The following FOXL3 variants were observed in gnomAD, a reference collection of about 807,000 sequenced individuals.
FOXL3 encodes the protein forkhead box L3, also known as forkhead box protein L3.
FOXL3 carries 16 observed loss-of-function variants against 10.9 expected under a neutral mutation model. That is an observed-to-expected ratio of 1.46 (90% CI 0.99 to 2.22). The LOEUF is 2.22. Ranked by LOEUF, FOXL3 falls within the 30% of genes most tolerant of loss-of-function variation. The probability of loss-of-function intolerance (pLI) is 0.00; values close to 1 mark genes in which losing one functional copy is unlikely to be tolerated. For missense variants in FOXL3, 400 were observed against 337.9 expected (o/e 1.18, Z -1.44); for synonymous variants, 170 against 152.0 (o/e 1.12, Z -0.87).
Position 290,175 on chromosome 7 carries a change from T to A in FOXL3, c.6T>A (p.Phe2Leu), listed in dbSNP as rs1024515799. ...CAAGCGCCGAGCGCGCCAGGATGTT[T>A]GACAGCTCGCAGTATCCCTACAACT... MFDSSQYPYNCF... is the reference protein window; with the variant it reads MLDSSQYPYNCF... Residue 2 changes from phenylalanine (F) to leucine (L), a missense_variant, in exon 1 of 3, where the codon TTT (phenylalanine) becomes TTA (leucine). Transcript: ENST00000506382. 6 of 1,535,150 alleles carry A rather than the reference T, an allele frequency of 3.9e-6. No homozygotes were observed. Among genetic ancestry groups the A allele is most frequent in the Admixed American group, 2.0e-5 (1 of 50,982 alleles).
In FOXL3 at chr7:291,121, G is replaced by T; in HGVS notation, c.335G>T (p.Gly112Val). ...GKGNYWTFAG[G>V]CESLLDLFEN... is the part of the protein sequence containing the mutation. ...GGCAACTACTGGACGTTCGCGGGCG[G>T]CTGCGAGTCGCTGCTGGACCTCTTC... is the stretch of plus-strand genomic sequence containing the variant. The change falls in exon 3 of 3, where the codon GGC becomes GTC. Residue 112 changes from glycine (G) to valine (V), a missense_variant. Transcript: ENST00000506382. The T allele has an allele frequency of 7.1e-7, 1 of 1,404,634 alleles. No individual in the cohort carries two copies. Among genetic ancestry groups the T allele is most frequent in the Non-Finnish European group, 9.3e-7 (1 of 1,078,734 alleles). 87.0% of individuals were successfully genotyped at this position (1,404,634 alleles called of 1,614,324 possible). A position where few individuals can be genotyped will look rare whatever the true frequency, so the allele number is the denominator to read the frequency against.
intron 1 of FOXL3, 71 bp downstream of exon 1, chr7:290,347 A>C (rs1778612571): frequency 1.6e-6 from 2 of 1,226,730 alleles, no homozygotes; most frequent in African/African-American, 3.0e-5. Context: ...GGTAGCCGGG[A>C]CCTGCCTGGG....
rs1778633839 is a variant in FOXL3, at chr7:291,017, C to A, written c.277-46C>A. ...CCCGAGGGGACAAGGCGGGCGGGCG[C>A]ACCGTGCAGCGGAGCCGCTCCCAGC... On this transcript the variant is annotated intron_variant, in intron 2 of 2. Coordinates refer to ENST00000506382, the MANE Select transcript of FOXL3 (RefSeq NM_001374838.1). The A allele has an allele frequency of 6.0e-6, 8 of 1,335,392 alleles. No homozygotes were observed. In the South Asian group the frequency reaches 7.5e-5, roughly 13 times the overall value. 82.7% of individuals were successfully genotyped at this position (1,335,392 alleles called of 1,614,324 possible). A position where few individuals can be genotyped will look rare whatever the true frequency, so the allele number is the denominator to read the frequency against.
Position 291,360 on chromosome 7 carries a change from C to G in FOXL3, c.574C>G (p.Leu192Val). ...CCCGGGGAAGGAGCACCCCCGGGAC[C>G]TCAAGTTCAGCATCGACTACATCCT... ...APPGKEHPRDLKFSIDYILSS... is the reference protein window; with the variant it reads ...APPGKEHPRDVKFSIDYILSS... Residue 192 changes from leucine to valine, a missense_variant, in exon 3 of 3, where the codon CTC becomes GTC. Coordinates refer to ENST00000506382, the MANE Select transcript of FOXL3 (RefSeq NM_001374838.1). The G allele has an allele frequency of 1.5e-6, 2 of 1,316,442 alleles. No homozygotes were observed. The highest frequency in any genetic ancestry group is 1.9e-6 in the Non-Finnish European group (2 of 1,032,136). 81.5% of individuals were successfully genotyped at this position (1,316,442 alleles called of 1,614,324 possible). A position where few individuals can be genotyped will look rare whatever the true frequency, so the allele number is the denominator to read the frequency against.
chr7:290,515 G>C (rs1415539416), intron 1 of FOXL3, 138 bp from the exon 2 acceptor site: 1 of 947,456 alleles, frequency 1.1e-6, no homozygotes, highest in Non-Finnish European at 1.5e-6. Context: ...GGGTGGCGCC[G>C]GGGACCGCGA....
chr7:290,572 C>A (rs1019041903), intron 1 of FOXL3, 81 bp from the exon 2 acceptor site: 43 of 1,319,964 alleles, frequency 3.3e-5, no homozygotes, highest in Non-Finnish European at 4.3e-5. Context: ...TCCGCCTCTG[C>A]GCCCCACGGC....
chr7:290,854 C>T, intron 2 of FOXL3, 33 bp downstream of exon 2: 3 of 1,380,600 alleles, frequency 2.2e-6, no homozygotes, highest in Non-Finnish European at 2.8e-6. Context: ...CCCGGGTGTC[C>T]CAGCGTGGCG....
intron 1 of FOXL3, 107 bp from the exon 2 acceptor site, chr7:290,546 A>C: frequency 3.1e-4 from 356 of 1,161,516 alleles, no homozygotes; most frequent in Non-Finnish European, 3.8e-4. Context: ...CACTTTCCCC[A>C]ACACCGCCTC....
chr7:290,629 C>A, intron 1 of FOXL3, 24 bp from the exon 2 acceptor site: 11 of 1,409,864 alleles, frequency 7.8e-6, no homozygotes, highest in Non-Finnish European at 1.0e-5. Context: ...GGTGGAGACC[C>A]CGCCTGACCC....
In FOXL3 at chr7:291,226, C is replaced by G; in HGVS notation, c.440C>G (p.Ala147Gly). 8.6e-7 allele frequency: 1 copy of G among 1,161,638 alleles called. No individual in the cohort carries two copies. The highest frequency in any genetic ancestry group is 1.1e-6 in the Non-Finnish European group (1 of 943,862). 72.0% of individuals were successfully genotyped at this position (1,161,638 alleles called of 1,614,324 possible). Residue 147 changes from alanine to glycine, a missense_variant, in exon 3 of 3, where the codon GCC becomes GGC. Coordinates refer to ENST00000506382, the MANE Select transcript of FOXL3 (RefSeq NM_001374838.1). ...CCGAGGGGTCCGCGCGCGGGGGGCGCCCAGGGGCCGTCGGGTCCGTCCGAG... is the reference window on the plus strand; with the variant it reads ...CCGAGGGGTCCGCGCGCGGGGGGCGGCCAGGGGCCGTCGGGTCCGTCCGAG... ...EGPRGPRAGGAQGPSGPSEPP... is the reference protein window; with the variant it reads ...EGPRGPRAGGGQGPSGPSEPP...
rs574408667 is a variant in FOXL3, at chr7:290,181, C to A, written c.12C>A (p.Ser4Arg). The A allele has an allele frequency of 1.9e-4, 290 of 1,535,408 alleles. 2 individuals are homozygous for A. In the South Asian group the frequency reaches 3.1e-3, roughly 16 times the overall value. ...CCGAGCGCGCCAGGATGTTTGACAG[C>A]TCGCAGTATCCCTACAACTGCTTCA... is the stretch of plus-strand genomic sequence containing the variant. The part of the protein sequence containing the change: MFD[S>R]SQYPYNCFNY... The change falls in exon 1 of 3, where the codon AGC (serine) becomes AGA (arginine). Residue 4 changes from serine to arginine, a missense_variant. Transcript: ENST00000506382.
rs1265088876 is a variant in FOXL3, at chr7:291,057, G to A, written c.277-6G>A. The A allele has an allele frequency of 3.6e-6, 5 of 1,384,968 alleles. No individual in the cohort carries two copies. The highest frequency in any genetic ancestry group is 1.5e-5 in the African/African-American group (1 of 65,332). 85.8% of individuals were successfully genotyped at this position (1,384,968 alleles called of 1,614,324 possible). ...CCGCTCCCAGCCCCTCCCTCCGCGC[G>A]CGCAGGTGCCGCGGTCCGAGGGCCA... On this transcript the variant is annotated splice_region_variant and splice_polypyrimidine_tract_variant and intron_variant, in intron 2 of 2. Transcript: ENST00000506382.
intron 1 of FOXL3, 22 bp from the exon 2 acceptor site, chr7:290,631 G>C (rs1465304945): frequency 6.4e-6 from 9 of 1,411,978 alleles, no homozygotes; most frequent in East Asian, 5.2e-5. Flanking sequence ...TGGAGACCCC[G>C]CCTGACCCCC....
At chr7:290,895 AGGG>A in intron 2 of FOXL3, 74 bp downstream of exon 2, 1 of 1,324,534 alleles carries the variant, frequency 7.5e-7, no homozygotes. Flanking sequence ...GTGGCGGGGA[AGGG>A]AGGGCACCGC....
chr7:290,807 A>C lies in FOXL3; in HGVS notation c.262A>C (p.Ser88Arg). ...NSIRHNLSLNSCFVKVPRSEG... is the reference protein window; with the variant it reads ...NSIRHNLSLNRCFVKVPRSEG... The stretch of plus-strand genomic sequence containing the variant: ...CATCCGCCACAACCTGTCCCTCAAC[A>C]GCTGCTTCGTCAAGGTGAGCGCCGC... The change falls in exon 2 of 3, where the codon AGC becomes CGC. Residue 88 changes from serine (S) to arginine (R), a missense_variant. Coordinates refer to ENST00000506382, the MANE Select transcript of FOXL3 (RefSeq NM_001374838.1). The C allele has an allele frequency of 6.8e-7, 1 of 1,479,108 alleles. No homozygotes were observed. The highest frequency in any genetic ancestry group is 8.9e-7 in the Non-Finnish European group (1 of 1,118,626). The allele number at this position is 1,479,108 out of a possible 1,614,324, so 91.6% of individuals were successfully genotyped here. A position where few individuals can be genotyped will look rare whatever the true frequency, so the allele number is the denominator to read the frequency against.
chr7:290,416 C>T, intron 1 of FOXL3, 140 bp downstream of exon 1: 4 of 838,686 alleles, frequency 4.8e-6, no homozygotes, highest in Non-Finnish European at 7.5e-6. Context: ...AGAAAGGACG[C>T]ATTTGTCCCT....
chr7:290,925 T>A (rs1226813810), intron 2 of FOXL3, 104 bp downstream of exon 2: 15 of 1,293,592 alleles, frequency 1.2e-5, no homozygotes, highest in Admixed American at 8.0e-5. Context: ...TTCAGGGAGG[T>A]CCGTCCTCAG....
At chr7:291,007 C>A (rs1396411731) in intron 2 of FOXL3, 56 bp from the exon 3 acceptor site, 3 of 1,322,832 alleles carry the variant, frequency 2.3e-6, no homozygotes, top group Admixed American at 4.2e-5. Context: ...GGGGACAAGG[C>A]GGGCGGGCGC....
At chr7:290,610 G>C (rs1021611546) in intron 1 of FOXL3, 43 bp from the exon 2 acceptor site, 2 of 1,416,866 alleles carry the variant, frequency 1.4e-6, no homozygotes. Context: ...GAAGGACGGG[G>C]GGCTGCCCGG....
Sources: gnomAD v4.1 joint callset for allele counts on GRCh38, gnomAD v4.1.1 for gene constraint, MANE v1.5 for transcripts, NCBI Gene and HGNC (gene_info 2026-07-23, HGNC 2026-07-21) for gene names.